The following MYO5A variants were observed in gnomAD, a reference collection of about 807,000 sequenced individuals.
MYO5A encodes unconventional myosin-Va.
A neutral mutation model predicts 249.7 loss-of-function variants in MYO5A; 98 were observed. The ratio of observed to expected loss-of-function variants is 0.39; its 90% CI spans 0.33 to 0.46. MYO5A has a LOEUF of 0.46. Ranked by LOEUF, MYO5A falls within the 20% of genes least tolerant of loss-of-function variation. The pLI is 0.98. For synonymous variants in MYO5A, 778 were observed against 810.6 expected (o/e 0.96, Z 0.68); for missense variants, 1,696 against 2,308.8 (o/e 0.73, Z 5.44).
At chr15:52,367,374 C>A (rs752788851) in intron 22 of MYO5A, among the ~76,000 whole-genome samples, 5 of 152,128 alleles carry the variant, frequency 3.3e-5, no homozygotes. Flanking sequence ...TCTTTATATC[C>A]GTTATAAATG....
intron 18 of MYO5A, 133 bp downstream of exon 18, chr15:52,379,492 T>C (rs1465950057): frequency 3.9e-6 from 3 of 772,372 alleles, no homozygotes; most frequent in African/African-American, 1.7e-5. Flanking sequence ...CTAAACACAG[T>C]AGTGTGCCCC....
At position 52,387,895 on chromosome 15, in the gene MYO5A, T is replaced by C; in HGVS notation, c.1686A>G (p.Glu562=). 1 of 1,611,756 alleles carries C rather than the reference T, an allele frequency of 6.2e-7. No individual in the cohort carries two copies. The highest frequency in any genetic ancestry group is 8.5e-7 in the Non-Finnish European group (1 of 1,178,512). Residue 562 remains glutamate, a synonymous_variant, in exon 14 of 42, where the codon GAA becomes GAG. Transcript: ENST00000399233. ...HFADKVEYQC[E]GFLEKNKDTV... ...TGTCTTTATTCTTTTCGAGAAATCC[T>C]TCACACTGGTATTCCACCTGAAAAC...
At chr15:52,445,627 CT>C (rs2075872910) in intron 1 of MYO5A, among the ~76,000 whole-genome samples, 1 of 152,180 alleles carries the variant, frequency 6.6e-6, no homozygotes, top group Admixed American at 6.5e-5. Flanking sequence ...TTCTTAGAGA[CT>C]GGTTAAATGG....
chr15:52,438,940 C>T (rs909376758), intron 1 of MYO5A, among the ~76,000 whole-genome samples: 5 of 152,250 alleles, frequency 3.3e-5, no homozygotes, highest in Non-Finnish European at 7.3e-5. Flanking sequence ...CTGCTGTACT[C>T]CTGATCCAGC....
In MYO5A at chr15:52,330,367, T is replaced by C. The variant is rs768539524; in HGVS notation, c.4541A>G (p.Lys1514Arg). ...YKKEDEQKLV[K>R]NLILELKPRG... Reference sequence around the variant, plus strand: ...AAAATACTTGCCCAGAATCAGGTTCTTAACAAGTTTTTGCTCATCCTCCTT... The same window carrying C: ...AAAATACTTGCCCAGAATCAGGTTCCTAACAAGTTTTTGCTCATCCTCCTT... The change falls in exon 35 of 42, where the codon AAG becomes AGG. Residue 1514 changes from lysine to arginine, a missense_variant. By Grantham distance (26) the Lys-to-Arg change is conservative (BLOSUM62 2). Coordinates refer to ENST00000399233, the MANE Select transcript of MYO5A (RefSeq NM_001382347.1). The C allele has an allele frequency of 1.2e-6, 2 of 1,614,164 alleles. No individual in the cohort carries two copies. The highest frequency in any genetic ancestry group is 3.3e-5 in the Admixed American group (2 of 60,022).
intron 28 of MYO5A, among the ~76,000 whole-genome samples, chr15:52,350,983 T>C (rs930499661): frequency 2.6e-5 from 4 of 152,254 alleles, no homozygotes; most frequent in Non-Finnish European, 5.9e-5. Context: ...TTAAAATTTA[T>C]TGTGGCCAGA....
rs114074450 is a variant in MYO5A, at chr15:52,334,842, T to C, written c.4408+1621A>G. On this transcript the variant is annotated intron_variant, in intron 34 of 41. Coordinates refer to ENST00000399233, the MANE Select transcript of MYO5A (RefSeq NM_001382347.1). ...ATGACATAGTGAAGACCATAAAAGATGTCGGCCAAATTGTGGTACACAGAG... is the reference window on the plus strand; with the variant it reads ...ATGACATAGTGAAGACCATAAAAGACGTCGGCCAAATTGTGGTACACAGAG... Among the ~76,000 whole-genome samples the C allele has an allele frequency of 2.2e-3, 339 of 152,310 alleles. 1 individual carries two copies. Among genetic ancestry groups the C allele is most frequent in the African/African-American group, 7.8e-3 (324 of 41,566 alleles).
Position 52,376,430 on chromosome 15 carries a change from C to T in MYO5A, c.2337G>A (p.Gly779=). ...ACIRIQKTIR[G]WLLRKKYLRM... ...GTAGGTACTTCTTTCTCAGCAGCCA[C>T]CCTCGGATGGTCTTCTGGATCCGGA... Residue 779 remains glycine, a synonymous_variant, in exon 19 of 42, where the codon GGG becomes GGA. Transcript: ENST00000399233. 1 of 1,614,146 alleles carries T rather than the reference C, an allele frequency of 6.2e-7. No individual in the cohort carries two copies. The highest frequency in any genetic ancestry group is 8.5e-7 in the Non-Finnish European group (1 of 1,180,014).
chr15:52,516,430 A>G (rs1010964611), intron 1 of MYO5A, among the ~76,000 whole-genome samples: 20 of 152,314 alleles, frequency 1.3e-4, no homozygotes, highest in African/African-American at 4.8e-4. Flanking sequence ...AAAAAAAATC[A>G]AGGTTTTAGT....
intron 5 of MYO5A, among the ~76,000 whole-genome samples, chr15:52,414,665 T>C (rs1047071399): frequency 2.6e-5 from 4 of 152,120 alleles, no homozygotes; most frequent in Admixed American, 6.5e-5. Context: ...GGGACTAAAA[T>C]GGCTGGAACT....
intron 25 of MYO5A, among the ~76,000 whole-genome samples, chr15:52,358,382 C>T (rs1323059983): frequency 6.6e-6 from 1 of 152,152 alleles, no homozygotes; most frequent in Non-Finnish European, 1.5e-5. Context: ...ACTGAAGGCT[C>T]AGAAGTCCTA....
rs141273425 is a variant in MYO5A at position 52,378,812 on chromosome 15, C to T, written c.2208+813G>A. Among the ~76,000 whole-genome samples the T allele has an allele frequency of 8.9e-3, 1,350 of 152,220 alleles. 19 individuals are homozygous for T. Among genetic ancestry groups the T allele is most frequent in the African/African-American group, 0.029 (1,221 of 41,534 alleles). ...TCAAAATATAGTCCTCAGACAGCAT[C>T]GGCATCACCCGGGAAATACAAATTC... On this transcript the variant is annotated intron_variant, in intron 18 of 41. Transcript: ENST00000399233.
chr15:52,329,562 T>C (rs575287187), intron 35 of MYO5A, among the ~76,000 whole-genome samples: 176 of 152,350 alleles, frequency 1.2e-3, no homozygotes, highest in Non-Finnish European at 1.5e-3. Flanking sequence ...ATTCTGTCCA[T>C]TCCTTCCTTT....
chr15:52,355,709 G>C lies in MYO5A; in HGVS notation c.3424-1695C>G, dbSNP rs190649914. On this transcript the variant is annotated intron_variant, in intron 25 of 41. Coordinates refer to ENST00000399233, the MANE Select transcript of MYO5A (RefSeq NM_001382347.1). ...GCTATATTTACATAGCTTGTCTTAGGTATTATAAGTAATGTAGAGATGATT... is the reference window on the plus strand; with the variant it reads ...GCTATATTTACATAGCTTGTCTTAGCTATTATAAGTAATGTAGAGATGATT... 7.6e-4 allele frequency among the ~76,000 whole-genome samples: 116 copies of C among 152,186 alleles called. No homozygotes were observed. The Middle Eastern group carries it at 0.01, about 13-fold the overall frequency.
intron 1 of MYO5A, among the ~76,000 whole-genome samples, chr15:52,519,972 G>A (rs756827188): frequency 2.6e-5 from 4 of 152,148 alleles, no homozygotes; most frequent in East Asian, 1.9e-4. Flanking sequence ...CTCATGATCC[G>A]CCCGCCTTGG....
chr15:52,350,804 AATC>A (rs2039910545), intron 28 of MYO5A, among the ~76,000 whole-genome samples: 1 of 152,222 alleles, frequency 6.6e-6, no homozygotes, highest in African/African-American at 2.4e-5. Context: ...AGTGAGCAGA[AATC>A]ATCTCCATGT....
At chr15:52,391,810 C>G in intron 12 of MYO5A, 120 bp downstream of exon 12, 1 of 1,062,186 alleles carries the variant, frequency 9.4e-7, no homozygotes, top group Non-Finnish European at 1.4e-6. Context: ...AGCATAACCC[C>G]TACTTGTCAC....
intron 1 of MYO5A, among the ~76,000 whole-genome samples, chr15:52,499,898 G>A (rs948478001): frequency 1.3e-5 from 2 of 152,086 alleles, no homozygotes; most frequent in East Asian, 3.9e-4. Flanking sequence ...AATTTTTTTA[G>A]GGGGCCGGGC....
intron 1 of MYO5A, among the ~76,000 whole-genome samples, chr15:52,470,323 C>G (rs2076434187): frequency 6.6e-6 from 1 of 152,080 alleles, no homozygotes; most frequent in Non-Finnish European, 1.5e-5. Flanking sequence ...TTCTAGGTGG[C>G]CAGGGACATT....
Sources: allele counts gnomAD v4.1 joint callset (sites outside exome capture counted in the v4.1 genomes callset), GRCh38; gene constraint gnomAD v4.1.1; transcripts MANE v1.5; gene names NCBI Gene and HGNC (gene_info 2026-07-23, HGNC 2026-07-21).